The following CCSER1 variants were observed in gnomAD, a reference collection of about 807,000 sequenced individuals.
CCSER1 encodes coiled-coil serine rich protein 1.
Under a neutral mutation model 82.0 loss-of-function variants are expected in CCSER1, and 41 were observed. That is an observed-to-expected ratio of 0.50 (90% CI 0.39 to 0.65). The LOEUF (loss-of-function observed/expected upper bound fraction) is 0.65. Ranked by LOEUF, CCSER1 falls within the 30% of genes least tolerant of loss-of-function variation. The probability of loss-of-function intolerance (pLI) is 0.00; values close to 1 mark genes in which losing one functional copy is unlikely to be tolerated. For missense variants in CCSER1, 1,119 were observed against 1,064.2 expected, an observed-to-expected ratio of 1.05 and a Z score of -0.72; for synonymous variants, 414 against 383.9, an observed-to-expected ratio of 1.08 and a Z score of -0.92.
chr4:90,392,115 G>A (rs1751271518), intron 3 of CCSER1, among the ~76,000 whole-genome samples: 1 of 151,750 alleles, frequency 6.6e-6, no homozygotes, highest in Admixed American at 6.6e-5. Context: ...AATATTTTAA[G>A]TGATAAAAAG....
intron 10 of CCSER1, among the ~76,000 whole-genome samples, chr4:91,424,705 TA>T (rs1202203329): frequency 1.3e-5 from 2 of 152,154 alleles, no homozygotes; most frequent in Non-Finnish European, 1.5e-5. Flanking sequence ...TTTAGTATAA[TA>T]ATGTTTTATT....
At chr4:90,979,625 T>C (rs541147472) in intron 9 of CCSER1, among the ~76,000 whole-genome samples, 10 of 151,862 alleles carry the variant, frequency 6.6e-5, no homozygotes, top group African/African-American at 2.4e-4. Context: ...TCTGCCGCCA[T>C]ATGACTACTT....
rs1334344518 is a variant in CCSER1 at position 90,308,367 on chromosome 4, C to A, written c.83C>A (p.Ser28Tyr). 3 of 1,613,498 alleles carry A rather than the reference C, an allele frequency of 1.9e-6. No homozygotes were observed. Among genetic ancestry groups the A allele is most frequent in the Non-Finnish European group, 2.5e-6 (3 of 1,179,708 alleles). ...FRRSINRRHD[S>Y]LPSSPSSSNT... ...AGAAGTATTAACAGAAGACATGATTCTCTTCCTTCTTCACCTTCTTCCAGT... is the reference window on the plus strand; with the variant it reads ...AGAAGTATTAACAGAAGACATGATTATCTTCCTTCTTCACCTTCTTCCAGT... Residue 28 changes from serine (S) to tyrosine (Y), a missense_variant, in exon 2 of 11, where the codon TCT (serine) becomes TAT (tyrosine). Transcript: ENST00000509176.
chr4:90,420,872 T>A (rs1756580237), intron 4 of CCSER1, among the ~76,000 whole-genome samples: 1 of 152,088 alleles, frequency 6.6e-6, no homozygotes, highest in Admixed American at 6.5e-5. Flanking sequence ...TTCGGCATGG[T>A]TTTTCTGGTG....
chr4:91,145,890 C>A (rs2148939668), intron 10 of CCSER1, among the ~76,000 whole-genome samples: 1 of 152,174 alleles, frequency 6.6e-6, no homozygotes, highest in South Asian at 2.1e-4. Flanking sequence ...AACATTTTTT[C>A]TTGCACATTG....
At chr4:91,020,027 G>A (rs1298089942) in intron 9 of CCSER1, among the ~76,000 whole-genome samples, 1 of 152,074 alleles carries the variant, frequency 6.6e-6, no homozygotes, top group East Asian at 1.9e-4. Flanking sequence ...TTAAATGAGA[G>A]TTAATCAGAG....
At chr4:91,299,971 A>T (rs1036281730) in intron 10 of CCSER1, among the ~76,000 whole-genome samples, 26 of 151,976 alleles carry the variant, frequency 1.7e-4, no homozygotes, top group African/African-American at 3.4e-4. Context: ...ACACAAAAAA[A>T]CAAAACATTG....
chr4:90,567,632 G>T (rs1264701970), intron 5 of CCSER1, among the ~76,000 whole-genome samples: 1 of 139,596 alleles, frequency 7.2e-6, no homozygotes, highest in East Asian at 2.1e-4. Flanking sequence ...TTTTGACAAG[G>T]TCTTACTCTG....
intron 8 of CCSER1, among the ~76,000 whole-genome samples, chr4:90,849,687 G>A (rs1683081364): frequency 2.0e-5 from 3 of 151,716 alleles, no homozygotes; most frequent in Non-Finnish European, 2.9e-5. Context: ...TACTTGGGAG[G>A]CTGAGGCAGG....
At chr4:90,531,378 T>G (rs1774498004) in intron 5 of CCSER1, among the ~76,000 whole-genome samples, 2 of 150,880 alleles carry the variant, frequency 1.3e-5, no homozygotes, top group African/African-American at 4.9e-5. Context: ...CTTAGTGAGA[T>G]TCATACACTG....
chr4:91,187,488 G>A (rs1290057391), intron 10 of CCSER1, among the ~76,000 whole-genome samples: 2 of 151,854 alleles, frequency 1.3e-5, no homozygotes, highest in African/African-American at 2.4e-5. Context: ...GGGTTGTTTG[G>A]TAATACAAAC....
chr4:90,600,236 A>G (rs1783871265), intron 5 of CCSER1, among the ~76,000 whole-genome samples: 1 of 152,188 alleles, frequency 6.6e-6, no homozygotes, highest in African/African-American at 2.4e-5. Flanking sequence ...CTGAAATGAT[A>G]TGGTCAGGAC....
At chr4:90,919,641 T>C (rs998385588) in intron 8 of CCSER1, among the ~76,000 whole-genome samples, 6 of 151,946 alleles carry the variant, frequency 3.9e-5, no homozygotes, top group Non-Finnish European at 7.4e-5. Flanking sequence ...TATATTTATT[T>C]GTGTTACTGA....
chr4:90,957,608 T>C lies in CCSER1; in HGVS notation c.2172+34161T>C, dbSNP rs1733644283. 3.1e-5 allele frequency among the ~76,000 whole-genome samples: 4 copies of C among 129,478 alleles called. No individual in the cohort carries two copies. The Admixed American group carries it at 3.9e-4, about 13-fold the overall frequency. The allele number at this position is 129,478 out of a possible 152,430, so 84.9% of individuals were successfully genotyped here. On this transcript the variant is annotated intron_variant, in intron 9 of 10. Coordinates refer to ENST00000509176, the MANE Select transcript of CCSER1 (RefSeq NM_001145065.2). ...ATATTATTATTTATATTATATATAATATATATTATATTGTATATATTCTAT... is the reference window on the plus strand; with the variant it reads ...ATATTATTATTTATATTATATATAACATATATTATATTGTATATATTCTAT...
rs1171993702 is a variant in CCSER1 at position 90,518,638 on chromosome 4, G to A, written c.1724+50284G>A. On this transcript the variant is annotated intron_variant, in intron 5 of 10. Coordinates refer to ENST00000509176, the MANE Select transcript of CCSER1 (RefSeq NM_001145065.2). ...TAAGTTCTGAGCAGAAAATATTAAT[G>A]AATCTGTGGCTTTGTCTTGATTTGA... 3.3e-5 allele frequency among the ~76,000 whole-genome samples: 5 copies of A among 152,008 alleles called. No individual in the cohort carries two copies. In the East Asian group the frequency reaches 9.7e-4, roughly 29 times the overall value.
intron 9 of CCSER1, among the ~76,000 whole-genome samples, chr4:90,948,174 T>C (rs1462619959): frequency 6.6e-6 from 1 of 152,016 alleles, no homozygotes; most frequent in African/African-American, 2.4e-5. Flanking sequence ...CCTACTATAG[T>C]AATTGATTCA....
chr4:91,405,867 A>T (rs753430380), intron 10 of CCSER1, among the ~76,000 whole-genome samples: 1 of 152,104 alleles, frequency 6.6e-6, no homozygotes, highest in Admixed American at 6.6e-5. Flanking sequence ...TAATCTCCTT[A>T]GGTTGCACCC....
intron 10 of CCSER1, among the ~76,000 whole-genome samples, chr4:91,138,763 A>G (rs1185900073): frequency 4.0e-5 from 6 of 149,144 alleles, no homozygotes; most frequent in Non-Finnish European, 8.9e-5. Context: ...AACCCCATCA[A>G]AAAGTGGGCG....
intron 6 of CCSER1, chr4:90,649,450 G>C (rs529094171): frequency 1.3e-5 from 2 of 152,074 alleles, no homozygotes; most frequent in African/African-American, 4.8e-5. Flanking sequence ...GGTCACAATC[G>C]TGGGGCCCTG....
Sources: allele counts gnomAD v4.1 joint callset (sites outside exome capture counted in the v4.1 genomes callset), GRCh38; gene constraint gnomAD v4.1.1; transcripts MANE v1.5; gene names NCBI Gene and HGNC (gene_info 2026-07-23, HGNC 2026-07-21).